The following CEP350 variants were observed in gnomAD, a reference collection of about 807,000 sequenced individuals.
CEP350 encodes centrosomal protein 350.
Under a neutral mutation model 331.8 loss-of-function variants are expected in CEP350, and 126 were observed. The ratio of observed to expected loss-of-function variants is 0.38; its 90% CI spans 0.33 to 0.44. CEP350 has a LOEUF of 0.44. Ranked by LOEUF, CEP350 falls within the 20% of genes least tolerant of loss-of-function variation. The pLI is 1.00. For missense variants in CEP350, 3,406 were observed against 3,634.6 expected (o/e 0.94, Z 1.62); for synonymous variants, 1,200 against 1,259.5 (o/e 0.95, Z 1.00).
At chr1:179,969,960 C>T (rs538862123) in intron 1 of CEP350, among the ~76,000 whole-genome samples, 10 of 152,266 alleles carry the variant, frequency 6.6e-5, no homozygotes, top group Admixed American at 2.0e-4. Flanking sequence ...CTGTAAGACA[C>T]CTTTTTGTAG....
At chr1:179,981,560 A>C (rs1047933588) in intron 1 of CEP350, among the ~76,000 whole-genome samples, 3 of 152,220 alleles carry the variant, frequency 2.0e-5, no homozygotes, top group African/African-American at 7.2e-5. Flanking sequence ...TGATTTAAAA[A>C]ATGTATTCTT....
chr1:180,025,594 A>G (rs990717265), intron 14 of CEP350, among the ~76,000 whole-genome samples: 3 of 152,164 alleles, frequency 2.0e-5, no homozygotes, highest in African/African-American at 7.2e-5. Flanking sequence ...TTTGCTTCCA[A>G]AAATGTTTTT....
chr1:180,033,907 CCT>C lies in CEP350; in HGVS notation c.3772_3773del (p.Leu1258ValfsTer11). ...GRSQKTPTSP[L>X]SPSSQKSLQF... is the part of the protein sequence containing the mutation. ...GATCTCAGAAAACTCCAACTTCTCC[CCT>C]GTCACCAAGTTCCCAGAAATCATTG... On this transcript the variant is annotated frameshift_variant, in exon 16 of 38. Transcript: ENST00000367607. LOFTEE classifies it high-confidence loss of function. The C allele has an allele frequency of 6.2e-7, 1 of 1,613,866 alleles. No homozygotes were observed. The highest frequency in any genetic ancestry group is 1.3e-5 in the African/African-American group (1 of 75,004).
In CEP350 at chr1:180,044,159, G is replaced by A; in HGVS notation, c.4608G>A (p.Lys1536=). The A allele has an allele frequency of 6.4e-7, 1 of 1,565,296 alleles. No homozygotes were observed. The highest frequency in any genetic ancestry group is 8.7e-7 in the Non-Finnish European group (1 of 1,155,244). Residue 1536 remains lysine (K), a synonymous_variant, in exon 21 of 38, where the codon AAG becomes AAA. Transcript: ENST00000367607. ...YDSYSESSGY[K]NHDRRSSSGS... is the part of the protein sequence containing the mutation. ...GTTATTCTGAGTCTTCAGGATACAA[G>A]AATCATGATAGAAGGTGAAGACAAT...
chr1:180,039,628 C>G (rs1298723811), intron 17 of CEP350, among the ~76,000 whole-genome samples: 1 of 152,094 alleles, frequency 6.6e-6, no homozygotes, highest in Non-Finnish European at 1.5e-5. Context: ...ATTCATCTAT[C>G]TGTAATGTCA....
chr1:180,077,206 A>G (rs1348000418), intron 28 of CEP350, among the ~76,000 whole-genome samples: 1 of 152,194 alleles, frequency 6.6e-6, no homozygotes, highest in Non-Finnish European at 1.5e-5. Flanking sequence ...ACAAAATTCA[A>G]TTGCATATCT....
intron 14 of CEP350, 115 bp from the exon 15 acceptor site, chr1:180,031,205 A>G: frequency 1.7e-6 from 1 of 591,218 alleles, no homozygotes. Context: ...TATAAGTCAA[A>G]TTTTAAATAT....
intron 15 of CEP350, among the ~76,000 whole-genome samples, chr1:180,032,314 T>C (rs551166004): frequency 1.3e-5 from 2 of 152,238 alleles, no homozygotes; most frequent in East Asian, 1.9e-4. Context: ...AAGATTACCA[T>C]TTTTAGTGCT....
chr1:180,108,654 T>C (rs1378127855), intron 37 of CEP350, among the ~76,000 whole-genome samples: 2 of 152,236 alleles, frequency 1.3e-5, no homozygotes, highest in East Asian at 3.8e-4. Context: ...TATATTAGGC[T>C]GTTTATTATA....
At chr1:179,961,574 T>G (rs1408578867) in intron 1 of CEP350, among the ~76,000 whole-genome samples, 1 of 152,248 alleles carries the variant, frequency 6.6e-6, no homozygotes, top group African/African-American at 2.4e-5. Context: ...TTTGTTTTAA[T>G]CTACTAACGG....
Position 180,024,441 on chromosome 1 carries a change from G to T in CEP350, c.3409G>T (p.Asp1137Tyr). The part of the protein sequence containing the change: ...EPHSTLSPQE[D>Y]HSNRKSAYDP... The stretch of plus-strand genomic sequence containing the variant: ...CAGTAGCACTTTAAGCCCTCAGGAG[G>T]ACCATTCTAACAGAAAGTCTGCCTA... The change falls in exon 14 of 38, where the codon GAC becomes TAC. Residue 1137 changes from aspartate (D) to tyrosine (Y), a missense_variant. Transcript: ENST00000367607. 2 of 1,612,132 alleles carry T rather than the reference G, an allele frequency of 1.2e-6. No individual in the cohort carries two copies. The highest frequency in any genetic ancestry group is 1.7e-6 in the Non-Finnish European group (2 of 1,179,060).
At chr1:180,044,804 G>A (rs1396866223) in intron 21 of CEP350, among the ~76,000 whole-genome samples, 1 of 149,118 alleles carries the variant, frequency 6.7e-6, no homozygotes, top group Non-Finnish European at 1.5e-5. Flanking sequence ...TTGTGCACAT[G>A]TACCCTAAAA....
intron 1 of CEP350, among the ~76,000 whole-genome samples, chr1:179,955,467 C>T (rs990071134): frequency 3.3e-5 from 5 of 152,304 alleles, no homozygotes; most frequent in East Asian, 1.9e-4. Flanking sequence ...CCTTCTTCAT[C>T]TGGCGATCAG....
At chr1:180,034,766 C>T (rs907871879) in intron 16 of CEP350, among the ~76,000 whole-genome samples, 1 of 152,082 alleles carries the variant, frequency 6.6e-6, no homozygotes, top group African/African-American at 2.4e-5. Flanking sequence ...ACCAACTCAC[C>T]CCGTTCCCCT....
At chr1:180,033,815 A>T in intron 15 of CEP350, 47 bp from the exon 16 acceptor site, 1 of 1,562,520 alleles carries the variant, frequency 6.4e-7, no homozygotes, top group Non-Finnish European at 8.8e-7. Flanking sequence ...GCTGGTTTAC[A>T]AAGTACTTTT....
intron 20 of CEP350, among the ~76,000 whole-genome samples, 166 bp from the exon 21 acceptor site, chr1:180,043,885 G>T (rs1458696972): frequency 1.3e-5 from 2 of 151,890 alleles, no homozygotes; most frequent in African/African-American, 4.8e-5. Flanking sequence ...GGAGTGATTT[G>T]TGTTTACTTC....
intron 25 of CEP350, among the ~76,000 whole-genome samples, chr1:180,055,147 C>G (rs79881444): frequency 0.035 from 5,397 of 152,260 alleles, 181 homozygotes; most frequent in African/African-American, 0.072. Flanking sequence ...ATAAAATAAA[C>G]TTAGAGCAGA....
chr1:180,096,323 T>C, intron 36 of CEP350, 139 bp downstream of exon 36: 1 of 881,228 alleles, frequency 1.1e-6, no homozygotes, highest in Non-Finnish European at 1.6e-6. Context: ...GGGTATTCAA[T>C]AAAGATTTGT....
chr1:180,040,144 C>G (rs192303088), intron 17 of CEP350, among the ~76,000 whole-genome samples: 5 of 152,038 alleles, frequency 3.3e-5, no homozygotes, highest in East Asian at 3.9e-4. Flanking sequence ...GCCCTCCCCC[C>G]GCCACTGCCC....
Sources: allele counts gnomAD v4.1 joint callset (sites outside exome capture counted in the v4.1 genomes callset), GRCh38; gene constraint gnomAD v4.1.1; transcripts MANE v1.5; gene names NCBI Gene and HGNC (gene_info 2026-07-23, HGNC 2026-07-21).